PACRG: variants seen among roughly 807,000 people sequenced by gnomAD.
PACRG encodes parkin coregulated.
Under a neutral mutation model 29.7 loss-of-function variants are expected in PACRG, and 29 were observed. The ratio of observed to expected loss-of-function variants is 0.98; its 90% confidence interval spans 0.73 to 1.33. PACRG has a LOEUF of 1.33. Ranked by LOEUF, PACRG falls within the 40% of genes most tolerant of loss-of-function variation. The pLI, the probability that PACRG is intolerant of heterozygous loss-of-function variation, is 0.00. For missense variants in PACRG, 279 were observed against 316.2 expected (o/e 0.88, Z 0.89); for synonymous variants, 116 against 118.7 (o/e 0.98, Z 0.15).
intron 4 of PACRG, among the ~76,000 whole-genome samples, chr6:163,207,163 G>T (rs955668601): frequency 3.9e-5 from 6 of 152,158 alleles, no homozygotes; most frequent in African/African-American, 1.4e-4. Context: ...ACACACATTT[G>T]TTTTTAATCT....
chr6:162,875,934 T>C (rs1468093623), intron 2 of PACRG, among the ~76,000 whole-genome samples: 3 of 152,230 alleles, frequency 2.0e-5, no homozygotes, highest in African/African-American at 4.8e-5. Flanking sequence ...TATCTCCAGT[T>C]GTTCTACATC....
At chr6:162,744,939 G>C (rs1033019342) in intron 1 of PACRG, among the ~76,000 whole-genome samples, 1 of 151,916 alleles carries the variant, frequency 6.6e-6, no homozygotes, top group Non-Finnish European at 1.5e-5. Flanking sequence ...GCAAATTCAT[G>C]TTTCAGGAGC....
intron 1 of PACRG, among the ~76,000 whole-genome samples, chr6:162,755,625 C>T (rs553895074): frequency 8.3e-4 from 126 of 152,174 alleles, no homozygotes; most frequent in South Asian, 2.9e-3. Flanking sequence ...TAAGTAGAGA[C>T]GGGGTTTCAC....
At chr6:162,801,495 T>C (rs1785871265) in intron 1 of PACRG, among the ~76,000 whole-genome samples, 1 of 152,238 alleles carries the variant, frequency 6.6e-6, no homozygotes, top group Non-Finnish European at 1.5e-5. Context: ...CATAAGTTAT[T>C]TGTTTTTCTG....
At chr6:163,001,027 G>A (rs1804543879) in intron 2 of PACRG, among the ~76,000 whole-genome samples, 2 of 152,150 alleles carry the variant, frequency 1.3e-5, no homozygotes, top group Admixed American at 6.5e-5. Context: ...CGGGAAGGCC[G>A]AAAGAGCCCT....
intron 2 of PACRG, among the ~76,000 whole-genome samples, chr6:162,955,996 T>G (rs1299403466): frequency 1.3e-5 from 2 of 152,102 alleles, no homozygotes; most frequent in Non-Finnish European, 1.5e-5. Context: ...CCTCTGGACA[T>G]GGTGGGAAGC....
At chr6:162,982,987 G>A (rs915111695) in intron 2 of PACRG, among the ~76,000 whole-genome samples, 1 of 151,994 alleles carries the variant, frequency 6.6e-6, no homozygotes, top group East Asian at 1.9e-4. Flanking sequence ...GGGAGTTCCA[G>A]TGTTAGGTGT....
intron 1 of PACRG, among the ~76,000 whole-genome samples, chr6:162,807,663 C>G (rs898146147): frequency 6.6e-6 from 1 of 152,010 alleles, no homozygotes; most frequent in Non-Finnish European, 1.5e-5. Flanking sequence ...GATTACTGAT[C>G]ACAGGTCACC....
chr6:162,986,888 A>G (rs1802941461), intron 2 of PACRG, among the ~76,000 whole-genome samples: 1 of 150,790 alleles, frequency 6.6e-6, no homozygotes, highest in African/African-American at 2.4e-5. Flanking sequence ...TTTCTTTATG[A>G]TATCTGTTTC....
At chr6:163,219,835 C>G (rs1056813357) in intron 4 of PACRG, among the ~76,000 whole-genome samples, 1 of 152,190 alleles carries the variant, frequency 6.6e-6, no homozygotes, top group Non-Finnish European at 1.5e-5. Flanking sequence ...TCTGCTCGCT[C>G]AGCCCGGAGC....
intron 4 of PACRG, among the ~76,000 whole-genome samples, chr6:163,228,772 T>C (rs550662411): frequency 5.9e-5 from 9 of 152,346 alleles, no homozygotes; most frequent in South Asian, 2.1e-4. Flanking sequence ...TCTAGCACAG[T>C]GACCAACATT....
chr6:162,801,808 T>G (rs1785902825), intron 1 of PACRG, among the ~76,000 whole-genome samples: 1 of 152,154 alleles, frequency 6.6e-6, no homozygotes. Context: ...AATAACTACT[T>G]AAATTTATAA....
At chr6:163,184,715 A>C (rs1779836553) in intron 4 of PACRG, 1 of 152,196 alleles carries the variant, frequency 6.6e-6, no homozygotes, top group Non-Finnish European at 1.5e-5. Flanking sequence ...GCCGCACTGC[A>C]CGAGAAAGGT....
intron 2 of PACRG, among the ~76,000 whole-genome samples, chr6:163,015,450 A>T (rs1185174374): frequency 6.6e-6 from 1 of 152,196 alleles, no homozygotes; most frequent in Non-Finnish European, 1.5e-5. Context: ...CAGTATGGTC[A>T]TTTTAATGAT....
chr6:163,309,064 C>A (rs1052518965), intron 4 of PACRG, among the ~76,000 whole-genome samples: 1 of 152,118 alleles, frequency 6.6e-6, no homozygotes, highest in Admixed American at 6.5e-5. Flanking sequence ...GTTGCTTCAG[C>A]GAGATTACCT....
At chr6:162,997,037 T>C (rs987568321) in intron 2 of PACRG, among the ~76,000 whole-genome samples, 1 of 152,152 alleles carries the variant, frequency 6.6e-6, no homozygotes, top group African/African-American at 2.4e-5. Flanking sequence ...CAGTCATTTG[T>C]TTACCAAAAG....
intron 4 of PACRG, among the ~76,000 whole-genome samples, chr6:163,286,117 C>T (rs1251809374): frequency 6.6e-6 from 1 of 152,192 alleles, no homozygotes; most frequent in South Asian, 2.1e-4. Context: ...CATTTACTGA[C>T]AATTCATGCT....
chr6:163,300,077 G>C (rs1784928918), intron 4 of PACRG, among the ~76,000 whole-genome samples: 1 of 152,194 alleles, frequency 6.6e-6, no homozygotes, highest in South Asian at 2.1e-4. Flanking sequence ...ACAGAACTCT[G>C]GGAGGTAACA....
intron 4 of PACRG, among the ~76,000 whole-genome samples, chr6:163,221,119 A>G (rs564681655): frequency 1.3e-5 from 2 of 152,330 alleles, no homozygotes; most frequent in African/African-American, 4.8e-5. Context: ...AAAATACTGT[A>G]GTGGTCTGTC....
Sources: gnomAD v4.1 joint callset for allele counts (sites outside exome capture counted in the v4.1 genomes callset) on GRCh38, gnomAD v4.1.1 for gene constraint, MANE v1.5 for transcripts, NCBI Gene and HGNC (gene_info 2026-07-23, HGNC 2026-07-21) for gene names.